Variants in UBR4 observed in about 807,000 individuals in gnomAD.
The protein encoded by UBR4 is E3 ubiquitin-protein ligase UBR4.
A neutral mutation model predicts 575.6 loss-of-function variants in UBR4; 124 were observed. That is an observed-to-expected ratio of 0.22 (90% CI 0.19 to 0.25). The LOEUF (loss-of-function observed/expected upper bound fraction) is 0.25, where lower values mean the gene tolerates loss of function less well. UBR4 is among the 10% of genes least tolerant of loss of function. The pLI is 1.00. For missense variants in UBR4, 4,818 were observed against 6,478.8 expected (o/e 0.74, Z 8.80); for synonymous variants, 2,455 against 2,473.7 (o/e 0.99, Z 0.22).
rs766844461 is a variant in UBR4 at position 19,151,735 on chromosome 1, G to A, written c.7121C>T (p.Thr2374Ile). Residue 2374 changes from threonine (T) to isoleucine (I), a missense_variant, in exon 48 of 106, where the codon ACT becomes ATT. By Grantham distance (89) the Thr-to-Ile change is moderately conservative. Around this residue, in one of 29 missense-constraint regions of UBR4, gnomAD observed 461 missense variants for 606.9 expected, o/e 0.76. Coordinates refer to ENST00000375254, the MANE Select transcript of UBR4 (RefSeq NM_020765.3). The part of the protein sequence containing the change: ...APSYIEIFGR[T>I]MQLNLSRSRW... ...TGAGCGACTCAGGTTGAGCTGCATAGTTCTGCCGAAGATCTCGATATATGA... is the reference window on the plus strand; with the variant it reads ...TGAGCGACTCAGGTTGAGCTGCATAATTCTGCCGAAGATCTCGATATATGA... The A allele has an allele frequency of 6.2e-7, 1 of 1,614,236 alleles. No homozygotes were observed. The highest frequency in any genetic ancestry group is 2.2e-5 in the East Asian group (1 of 44,888).
intron 73 of UBR4, among the ~76,000 whole-genome samples, chr1:19,116,111 T>G (rs560818071): frequency 5.6e-4 from 86 of 152,356 alleles, no homozygotes; most frequent in African/African-American, 1.9e-3. Context: ...TTGGGGTGAT[T>G]ATATAACACA....
chr1:19,149,574 G>A (rs1314572047), intron 49 of UBR4, among the ~76,000 whole-genome samples: 1 of 152,106 alleles, frequency 6.6e-6, no homozygotes, highest in Non-Finnish European at 1.5e-5. Flanking sequence ...AACACCAAGA[G>A]TGCACTTACG....
chr1:19,167,152 C>A lies in UBR4; in HGVS notation c.3979G>T (p.Ala1327Ser). 1.2e-6 allele frequency: 2 copies of A among 1,614,192 alleles called. No individual in the cohort carries two copies. Among genetic ancestry groups the A allele is most frequent in the Non-Finnish European group, 1.7e-6 (2 of 1,180,026 alleles). ...LLLESSTESV[A>S]EISSNSLERI... Reference sequence around the variant, plus strand: ...TCCAGGGAGTTGCTACTGATCTCGGCAACACTCTCAGTGCTTGATTCCAAA... The same window carrying A: ...TCCAGGGAGTTGCTACTGATCTCGGAAACACTCTCAGTGCTTGATTCCAAA... The change falls in exon 29 of 106, where the codon GCC (alanine) becomes TCC (serine). Residue 1327 changes from alanine (A) to serine (S), a missense_variant. This residue lies in a region of UBR4 where 1,172 missense variants were observed against 1,259.7 expected (regional missense o/e 0.93). Transcript: ENST00000375254.
intron 54 of UBR4, 134 bp from the exon 55 acceptor site, chr1:19,144,225 G>A (rs2084518082): frequency 1.4e-6 from 1 of 720,530 alleles, no homozygotes; most frequent in Non-Finnish European, 2.3e-6. Flanking sequence ...CAACCCAGCG[G>A]ACCAAGTTCA....
At chr1:19,103,649 G>A (rs1020544248) in intron 87 of UBR4, among the ~76,000 whole-genome samples, 1 of 152,134 alleles carries the variant, frequency 6.6e-6, no homozygotes, top group Non-Finnish European at 1.5e-5. Context: ...ACACAGTGAA[G>A]AAAAACTGAA....
In UBR4 at chr1:19,128,303, T is replaced by G; in HGVS notation, c.9019A>C (p.Thr3007Pro). 6.2e-7 allele frequency: 1 copy of G among 1,613,968 alleles called. No homozygotes were observed. Among genetic ancestry groups the G allele is most frequent in the Non-Finnish European group, 8.5e-7 (1 of 1,179,912 alleles). Residue 3007 changes from threonine to proline, a missense_variant, in exon 62 of 106, where the codon ACT becomes CCT. Transcript: ENST00000375254. ...IPYMQVILML[T>P]TDLDGEDEKD... The stretch of plus-strand genomic sequence containing the variant: ...TCATCTTCTCCATCCAGATCTGTAG[T>G]GAGCATTAGAATGACCTAGAAGTCA...
chr1:19,146,917 C>T lies in UBR4; in HGVS notation c.7713G>A (p.Gln2571=). 1 of 1,614,154 alleles carries T rather than the reference C, an allele frequency of 6.2e-7. No homozygotes were observed. Reference sequence around the variant, plus strand: ...TGGAGCGAGCTGTGATCACTAGCCTCTGGAACACCTCAGGGTCCAAATCCT... The same window carrying T: ...TGGAGCGAGCTGTGATCACTAGCCTTTGGAACACCTCAGGGTCCAAATCCT... The part of the protein sequence containing the change: ...EGKDLDPEVF[Q]RLVITARSIA... The change falls in exon 52 of 106, where the codon CAG becomes CAA. Residue 2571 remains glutamine, a synonymous_variant. Transcript: ENST00000375254.
chr1:19,141,913 G>A (rs1320292525), intron 55 of UBR4, 136 bp from the exon 56 acceptor site: 5 of 1,260,644 alleles, frequency 4.0e-6, no homozygotes, highest in Non-Finnish European at 5.5e-6. Flanking sequence ...AGAACTCCGG[G>A]GTGCTATGCC....
At chr1:19,121,004 T>C (rs6426678) in intron 68 of UBR4, among the ~76,000 whole-genome samples, 185 bp downstream of exon 68, 95,591 of 152,064 alleles carry the variant, frequency 0.63, 30,448 homozygotes, top group East Asian at 0.8. Context: ...TGAGAAGTCA[T>C]GCTGTTTAAG....
chr1:19,085,655 C>T (rs577663060), intron 101 of UBR4, among the ~76,000 whole-genome samples: 9 of 152,310 alleles, frequency 5.9e-5, no homozygotes, highest in African/African-American at 2.2e-4. Context: ...CTCCACAAGG[C>T]ATCAGCAAGA....
intron 103 of UBR4, chr1:19,081,095 T>C (rs901175875): frequency 2.4e-6 from 1 of 422,808 alleles, no homozygotes; most frequent in Non-Finnish European, 4.2e-6. Context: ...CTGGCTGCCT[T>C]CCTAACATTT....
At chr1:19,188,202 AAAAG>A (rs1472271847) in intron 11 of UBR4, among the ~76,000 whole-genome samples, 1 of 152,196 alleles carries the variant, frequency 6.6e-6, no homozygotes, top group South Asian at 2.1e-4. Context: ...CATTATTTTG[AAAAG>A]AAAAAGGTTT....
Position 19,117,960 on chromosome 1 carries a change from A to T in UBR4, c.10542-50T>A. ...TGAACACATTTTCATCTTAGGAAGC[A>T]CTGAGTTTCACAAAAAAATCATGAC... On this transcript the variant is annotated intron_variant, in intron 71 of 105. Coordinates refer to ENST00000375254, the MANE Select transcript of UBR4 (RefSeq NM_020765.3). This position sits in a 1 kb window ranked among gnomAD's most constrained non-coding sequence, Gnocchi z 4.0. The T allele has an allele frequency of 6.4e-7, 1 of 1,559,156 alleles. No individual in the cohort carries two copies. Among genetic ancestry groups the T allele is most frequent in the Non-Finnish European group, 8.8e-7 (1 of 1,130,966 alleles).
In UBR4 at chr1:19,097,058, A is replaced by T. The variant is rs1247992671; in HGVS notation, c.13390+135T>A. 26 of 649,248 alleles carry T rather than the reference A, an allele frequency of 4.0e-5. 1 individual carries two copies. The highest frequency in any genetic ancestry group is 5.5e-5 in the Non-Finnish European group (23 of 415,562). 40.2% of individuals were successfully genotyped at this position (649,248 alleles called of 1,614,324 possible). A position where few individuals can be genotyped will look rare whatever the true frequency, so the allele number is the denominator to read the frequency against. ...CCACAGACACCTCTTTTTTTCCTCA[A>T]TTGAAGAAACAATCTCCCCACAATT... On this transcript the variant is annotated intron_variant, in intron 91 of 105. Transcript: ENST00000375254.
intron 37 of UBR4, 75 bp from the exon 38 acceptor site, chr1:19,161,222 G>A: frequency 7.1e-7 from 1 of 1,417,534 alleles, no homozygotes; most frequent in Non-Finnish European, 9.7e-7. Context: ...GATCTCCGAG[G>A]AAAATTTGAC....
Position 19,160,180 on chromosome 1 carries a change from G to C in UBR4, c.5508C>G (p.Ser1836Arg). 1 of 1,614,024 alleles carries C rather than the reference G, an allele frequency of 6.2e-7. No homozygotes were observed. The highest frequency in any genetic ancestry group is 8.5e-7 in the Non-Finnish European group (1 of 1,180,008). ...GCTCACTGAGGGCTTGCTGAGCACG[G>C]CTGCTGCTCCCGACGGCTGAAGCTT... is the stretch of plus-strand genomic sequence containing the variant. Reference protein sequence around the residue: ...FQQASAVGSSSRAQQALSELH... With the variant: ...FQQASAVGSSRRAQQALSELH... The change falls in exon 39 of 106, where the codon AGC becomes AGG. Residue 1836 changes from serine to arginine, a missense_variant. Around this residue, in one of 29 missense-constraint regions of UBR4, gnomAD observed 159 missense variants for 174.6 expected, o/e 0.91. Transcript: ENST00000375254.
chr1:19,131,136 T>C (rs1174593451), intron 60 of UBR4, among the ~76,000 whole-genome samples: 1 of 150,228 alleles, frequency 6.7e-6, no homozygotes, highest in East Asian at 2.0e-4. Context: ...CTCAAACTCC[T>C]AGGCTCAAAA....
At chr1:19,163,855 A>G in intron 33 of UBR4, 28 bp from the exon 34 acceptor site, 2 of 1,612,912 alleles carry the variant, frequency 1.2e-6, no homozygotes, top group South Asian at 2.2e-5. Context: ...AAGAGGGGAA[A>G]GAGGAGACAC....
intron 21 of UBR4, 128 bp downstream of exon 21, chr1:19,174,826 C>G: frequency 1.2e-6 from 1 of 864,688 alleles, no homozygotes; most frequent in East Asian, 2.7e-5. Flanking sequence ...TTAGAATAAG[C>G]TCAAATCGTA....
Sources: gnomAD v4.1 joint callset for allele counts (sites outside exome capture counted in the v4.1 genomes callset) on GRCh38, gnomAD v4.1.1 for gene constraint, gnomAD v4.1.1 regional missense constraint, Gnocchi (gnomAD v3.1) non-coding constraint, MANE v1.5 for transcripts, NCBI Gene and HGNC (gene_info 2026-07-23, HGNC 2026-07-21) for gene names.